PRKN: variants seen among roughly 807,000 people sequenced by gnomAD.
PRKN encodes the protein parkin RBR E3 ubiquitin protein ligase.
PRKN carries 56 observed loss-of-function variants against 59.5 expected under a neutral mutation model. The ratio of observed to expected loss-of-function variants is 0.94; its 90% CI spans 0.76 to 1.18. PRKN has a LOEUF of 1.18. Among genes scored for constraint, PRKN ranks in the 50% most tolerant of loss-of-function variants. The pLI is 0.00. For missense variants in PRKN, 657 were observed against 596.4 expected (o/e 1.10, Z -1.06); for synonymous variants, 250 against 222.1 (o/e 1.13, Z -1.12).
intron 1 of PRKN, among the ~76,000 whole-genome samples, chr6:162,658,949 AAAG>A (rs1778774712): frequency 6.6e-6 from 1 of 152,126 alleles, no homozygotes; most frequent in Admixed American, 6.6e-5. Context: ...TTAGTAGTAA[AAAG>A]AAGAAATAAT....
intron 4 of PRKN, among the ~76,000 whole-genome samples, chr6:162,134,998 C>G (rs1366076493): frequency 2.0e-5 from 3 of 152,140 alleles, no homozygotes; most frequent in Admixed American, 1.3e-4. Flanking sequence ...ATAACAAAAC[C>G]TATCACTACA....
rs148310787 is a variant in PRKN, at chr6:161,440,235, G to A, written c.1084-53358C>T. Among the ~76,000 whole-genome samples, 2,568 of 152,254 alleles carry A rather than the reference G, an allele frequency of 0.017. 46 individuals carry two copies. The highest frequency in any genetic ancestry group is 0.056 in the East Asian group (290 of 5,168). On this transcript the variant is annotated intron_variant, in intron 9 of 11. Transcript: ENST00000366898. The surrounding 1 kb of genome is among the most constrained non-coding windows in gnomAD (Gnocchi z 4.1). ...CCCAAAGTGCTGGGATTACAGGTGT[G>A]AGACACTGCGCCTGGCCTGGCCCTA...
chr6:161,581,515 C>T lies in PRKN; in HGVS notation c.872-12099G>A, dbSNP rs933252468. Among the ~76,000 whole-genome samples the T allele has an allele frequency of 4.6e-5, 7 of 152,158 alleles. No individual in the cohort carries two copies. The East Asian group carries it at 9.6e-4, about 21-fold the overall frequency. Reference sequence around the variant, plus strand: ...CTAAAAACACAGATAATGTGCTGAACGGAAGAAGGTCACGGAAGAGGATAT... The same window carrying T: ...CTAAAAACACAGATAATGTGCTGAATGGAAGAAGGTCACGGAAGAGGATAT... On this transcript the variant is annotated intron_variant, in intron 7 of 11. Coordinates refer to ENST00000366898, the MANE Select transcript of PRKN (RefSeq NM_004562.3). The surrounding 1 kb of genome is among the most constrained non-coding windows in gnomAD (Gnocchi z 4.5).
At chr6:161,771,046 A>T (rs895009131) in intron 7 of PRKN, among the ~76,000 whole-genome samples, 1 of 152,066 alleles carries the variant, frequency 6.6e-6, no homozygotes, top group Non-Finnish European at 1.5e-5. Context: ...TTGTAATAGA[A>T]GCCTGGGCAA....
In PRKN at chr6:162,098,712, A is replaced by G. The variant is rs534857580; in HGVS notation, c.535-44538T>C. Among the ~76,000 whole-genome samples, 12 of 152,344 alleles carry G rather than the reference A, an allele frequency of 7.9e-5. No individual in the cohort carries two copies. In the South Asian group the frequency reaches 2.5e-3, roughly 32 times the overall value. The stretch of plus-strand genomic sequence containing the variant: ...CTACATTATTCCTACTTATCCTGTA[A>G]AAGTCAGATTCGGAGTGATTGGAAG... On this transcript the variant is annotated intron_variant, in intron 4 of 11. Transcript: ENST00000366898.
chr6:162,390,582 T>C (rs922085430), intron 2 of PRKN, among the ~76,000 whole-genome samples: 1 of 151,640 alleles, frequency 6.6e-6, no homozygotes, highest in African/African-American at 2.4e-5. Flanking sequence ...GCTAGGACTA[T>C]AGATGCCCCC....
At chr6:161,894,603 A>G (rs73785463) in intron 6 of PRKN, among the ~76,000 whole-genome samples, 3,014 of 152,136 alleles carry the variant, frequency 0.02, 107 homozygotes, top group African/African-American at 0.069. Flanking sequence ...GCATTTCTCC[A>G]TGTCTGGAAT....
chr6:161,767,352 A>C (rs1382672225), intron 7 of PRKN, among the ~76,000 whole-genome samples: 2 of 152,162 alleles, frequency 1.3e-5, no homozygotes, highest in African/African-American at 2.4e-5. Flanking sequence ...TCTCTACTAA[A>C]AATACAAAAA....
At chr6:162,556,143 TAA>T (rs1474128865) in intron 1 of PRKN, among the ~76,000 whole-genome samples, 1 of 152,060 alleles carries the variant, frequency 6.6e-6, no homozygotes, top group Non-Finnish European at 1.5e-5. Flanking sequence ...GTGAAGCCCC[TAA>T]GTTTGTCACT....
intron 1 of PRKN, among the ~76,000 whole-genome samples, chr6:162,468,584 C>A (rs964096938): frequency 2.0e-5 from 3 of 152,168 alleles, no homozygotes; most frequent in Non-Finnish European, 4.4e-5. Context: ...TGCAGGAATG[C>A]AGATTGGATG....
intron 5 of PRKN, among the ~76,000 whole-genome samples, chr6:162,011,802 G>C (rs1434833100): frequency 1.3e-5 from 2 of 151,552 alleles, no homozygotes; most frequent in Non-Finnish European, 2.9e-5. Flanking sequence ...ATAACTGAAA[G>C]TGCATAAACC....
At chr6:161,976,693 C>T (rs1001838351) in intron 5 of PRKN, among the ~76,000 whole-genome samples, 1 of 152,176 alleles carries the variant, frequency 6.6e-6, no homozygotes, top group African/African-American at 2.4e-5. Context: ...ATGAAATACG[C>T]TGAGCTAGCT....
intron 4 of PRKN, among the ~76,000 whole-genome samples, chr6:162,176,791 A>G (rs1783557559): frequency 6.6e-6 from 1 of 152,192 alleles, no homozygotes; most frequent in African/African-American, 2.4e-5. Context: ...TCTGCCATAA[A>G]TACGGCTTAC....
Position 162,073,007 on chromosome 6 carries a change from C to T in PRKN, c.535-18833G>A, listed in dbSNP as rs925433589. On this transcript the variant is annotated intron_variant, in intron 4 of 11. Coordinates refer to ENST00000366898, the MANE Select transcript of PRKN (RefSeq NM_004562.3). The stretch of plus-strand genomic sequence containing the variant: ...CAATTTCACTTGAGTATCACCTCAT[C>T]GATTTAACATCCTCATGCTTCACTA... Among the ~76,000 whole-genome samples, 9 of 152,298 alleles carry T rather than the reference C, an allele frequency of 5.9e-5. No individual in the cohort carries two copies. The East Asian group carries it at 1.4e-3, about 23-fold the overall frequency.
At chr6:161,598,081 T>C (rs1781979789) in intron 7 of PRKN, among the ~76,000 whole-genome samples, 1 of 152,194 alleles carries the variant, frequency 6.6e-6, no homozygotes, top group Admixed American at 6.5e-5. Flanking sequence ...GAAAATAACA[T>C]TGTCTTAATA....
At chr6:162,664,421 G>C (rs920396239) in intron 1 of PRKN, among the ~76,000 whole-genome samples, 4 of 152,174 alleles carry the variant, frequency 2.6e-5, no homozygotes, top group African/African-American at 4.8e-5. Flanking sequence ...TAATGGGATT[G>C]CTGGGTTAAA....
At chr6:161,587,288 A>T (rs555356096) in intron 7 of PRKN, among the ~76,000 whole-genome samples, 1 of 152,308 alleles carries the variant, frequency 6.6e-6, no homozygotes, top group South Asian at 2.1e-4. Flanking sequence ...TTTATTATTG[A>T]TGTTTAGCAG....
In PRKN at chr6:161,548,729, T is replaced by C. The variant is rs115564174; in HGVS notation, c.1083+125A>G. ...GGAATTTAAAATCTATTTTCTTATA[T>C]GTAAGTTCAAAGATGTCTAAGTCCA... is the stretch of plus-strand genomic sequence containing the variant. On this transcript the variant is annotated intron_variant, in intron 9 of 11. Transcript: ENST00000366898. The surrounding 1 kb of genome is among the most constrained non-coding windows in gnomAD (Gnocchi z 4.2). The C allele has an allele frequency of 7.2e-3, 6,252 of 865,830 alleles. 267 individuals are homozygous for C. The African/African-American group carries it at 0.091, about 13-fold the overall frequency. The allele number at this position is 865,830 out of a possible 1,614,324, so 53.6% of individuals were successfully genotyped here.
At chr6:162,302,159 T>TC (rs1321323753) in intron 2 of PRKN, among the ~76,000 whole-genome samples, 1 of 152,030 alleles carries the variant, frequency 6.6e-6, no homozygotes, top group African/African-American at 2.4e-5. Flanking sequence ...CATTTTATCC[T>TC]CCCCCTCTAC....
Sources: allele counts gnomAD v4.1 joint callset (sites outside exome capture counted in the v4.1 genomes callset), GRCh38; gene constraint gnomAD v4.1.1; non-coding constraint Gnocchi (gnomAD v3.1); transcripts MANE v1.5; gene names NCBI Gene and HGNC (gene_info 2026-07-23, HGNC 2026-07-21).